The following HMGCLL1 variants were observed in gnomAD, a reference collection of about 807,000 sequenced individuals.
HMGCLL1 encodes the protein 3-hydroxymethyl-3-methylglutaryl-CoA lyase, cytoplasmic.
HMGCLL1 carries 36 observed loss-of-function variants against 39.1 expected under a neutral mutation model. That is an observed-to-expected ratio of 0.92 (90% CI 0.71 to 1.22). HMGCLL1 has a LOEUF of 1.22. Ranked by LOEUF, HMGCLL1 falls within the 50% of genes most tolerant of loss-of-function variation. The pLI is 0.00. For missense variants in HMGCLL1, 451 were observed against 416.5 expected, an observed-to-expected ratio of 1.08 and a Z score of -0.72; for synonymous variants, 149 against 144.0, an observed-to-expected ratio of 1.03 and a Z score of -0.25.
Position 55,578,971 on chromosome 6 carries a change from C to T in HMGCLL1, c.85G>A (p.Ala29Thr), listed in dbSNP as rs748057333. ...REHLWIGDSV[A>T]GALDPAQETS... ...ACCTGCGCGGGGTCGAGCGCCCCTG[C>T]CACTGAATCCCCGATCCAGAGATGC... The change falls in exon 1 of 9, where the codon GCA (alanine) becomes ACA (threonine). Residue 29 changes from alanine to threonine, a missense_variant. Transcript: ENST00000274901. 1.2e-6 allele frequency: 2 copies of T among 1,613,314 alleles called. No homozygotes were observed. Among genetic ancestry groups the T allele is most frequent in the Non-Finnish European group, 1.7e-6 (2 of 1,179,696 alleles).
the HMGCLL1 span, among the ~76,000 whole-genome samples, chr6:55,671,477 C>T: frequency 6.6e-6 from 1 of 151,688 alleles, no homozygotes; most frequent in East Asian, 1.9e-4. Flanking sequence ...TTACATGAAG[C>T]GAAACTAACA....
intron 7 of HMGCLL1, among the ~76,000 whole-genome samples, chr6:55,470,547 T>C (rs1333985046): frequency 6.6e-6 from 1 of 151,890 alleles, no homozygotes; most frequent in East Asian, 1.9e-4. Context: ...CTTTAACTTT[T>C]AGATTTCTGC....
intron 1 of HMGCLL1, among the ~76,000 whole-genome samples, chr6:55,570,293 A>G (rs1771410569): frequency 6.6e-6 from 1 of 152,172 alleles, no homozygotes; most frequent in Non-Finnish European, 1.5e-5. Flanking sequence ...CAGCCTCTTT[A>G]CTGAACAGTC....
the HMGCLL1 span, among the ~76,000 whole-genome samples, chr6:55,613,504 T>C: frequency 1.3e-5 from 2 of 152,314 alleles, no homozygotes; most frequent in East Asian, 1.9e-4. Flanking sequence ...CGTATGTTTA[T>C]TGCAGCACTA....
At chr6:55,644,992 T>C in the HMGCLL1 span, among the ~76,000 whole-genome samples, 1 of 151,974 alleles carries the variant, frequency 6.6e-6, no homozygotes, top group South Asian at 2.1e-4. Context: ...TTTGCTAGTA[T>C]GGACATTTTA....
chr6:55,573,930 A>G (rs186116292), intron 1 of HMGCLL1, among the ~76,000 whole-genome samples: 1 of 152,178 alleles, frequency 6.6e-6, no homozygotes, highest in East Asian at 1.9e-4. Flanking sequence ...TACAAAGATA[A>G]AAGAATGAAA....
the HMGCLL1 span, among the ~76,000 whole-genome samples, chr6:55,655,188 C>A: frequency 6.6e-6 from 1 of 151,960 alleles, no homozygotes; most frequent in Non-Finnish European, 1.5e-5. Context: ...TTTATCACAT[C>A]TCTGATCTTT....
rs529998005 is a variant in HMGCLL1 at position 55,542,596 on chromosome 6, A to G, written c.109-456T>C. Among the ~76,000 whole-genome samples, 7 of 151,506 alleles carry G rather than the reference A, an allele frequency of 4.6e-5. No individual in the cohort carries two copies. In the South Asian group the frequency reaches 1.5e-3, roughly 32 times the overall value. ...AGTTTGAGATCAGCCTGGCCAACAT[A>G]GTGTAACCCTGTCTCTACTAAAAAT... On this transcript the variant is annotated intron_variant, in intron 1 of 8. Coordinates refer to ENST00000274901, the MANE Select transcript of HMGCLL1 (RefSeq NM_001042406.2).
rs1763332822 is a variant in HMGCLL1 at position 55,435,492 on chromosome 6, T to A, written c.*170A>T. On this transcript the variant is annotated 3_prime_UTR_variant, in exon 9 of 9. Coordinates refer to ENST00000274901, the MANE Select transcript of HMGCLL1 (RefSeq NM_001042406.2). Reference sequence around the variant, plus strand: ...TTGCAATTTACCTGATGACTGATATTGCATTTTGTTGACTTAATCTATCCA... The same window carrying A: ...TTGCAATTTACCTGATGACTGATATAGCATTTTGTTGACTTAATCTATCCA... 5.1e-6 allele frequency: 2 copies of A among 395,884 alleles called. No homozygotes were observed. Among genetic ancestry groups the A allele is most frequent in the East Asian group, 7.3e-5 (2 of 27,526 alleles). The allele number at this position is 395,884 out of a possible 1,614,324, so 24.5% of individuals were successfully genotyped here.
At chr6:55,623,675 T>A in the HMGCLL1 span, among the ~76,000 whole-genome samples, 1 of 148,982 alleles carries the variant, frequency 6.7e-6, no homozygotes, top group Admixed American at 6.8e-5. Context: ...ACAAACATAT[T>A]ATATATAATA....
At chr6:55,526,781 T>C (rs1051802591) in intron 3 of HMGCLL1, among the ~76,000 whole-genome samples, 18 of 152,070 alleles carry the variant, frequency 1.2e-4, no homozygotes, top group Admixed American at 3.9e-4. Context: ...GACTCCTTTC[T>C]AAATTGCAAT....
chr6:55,664,548 A>G, the HMGCLL1 span, among the ~76,000 whole-genome samples: 1 of 151,722 alleles, frequency 6.6e-6, no homozygotes, highest in Non-Finnish European at 1.5e-5. Context: ...TCCTATTTGT[A>G]TTTTTAAACT....
chr6:55,584,917 C>A, the HMGCLL1 span, among the ~76,000 whole-genome samples: 1 of 151,552 alleles, frequency 6.6e-6, no homozygotes, highest in Admixed American at 6.6e-5. Context: ...AAAAAAGAAA[C>A]AATGAGAACA....
At chr6:55,627,352 T>C in the HMGCLL1 span, among the ~76,000 whole-genome samples, 1 of 152,068 alleles carries the variant, frequency 6.6e-6, no homozygotes, top group Non-Finnish European at 1.5e-5. Context: ...TATGTAATAG[T>C]ATTTGGTTTG....
intron 1 of HMGCLL1, among the ~76,000 whole-genome samples, chr6:55,571,038 T>C (rs535351006): frequency 3.9e-5 from 6 of 152,280 alleles, no homozygotes; most frequent in African/African-American, 1.4e-4. Flanking sequence ...GGAACACCCC[T>C]ATGATTCAAT....
chr6:55,437,009 T>G (rs2127377827), intron 8 of HMGCLL1, among the ~76,000 whole-genome samples: 1 of 152,138 alleles, frequency 6.6e-6, no homozygotes, highest in East Asian at 1.9e-4. Context: ...TGCCTTTCAC[T>G]TATAAATTAC....
chr6:55,675,029 G>A, the HMGCLL1 span, among the ~76,000 whole-genome samples: 2 of 152,194 alleles, frequency 1.3e-5, no homozygotes, highest in Non-Finnish European at 2.9e-5. Context: ...ATACATGCTG[G>A]AAGAAGGAAA....
chr6:55,654,777 T>A, the HMGCLL1 span, among the ~76,000 whole-genome samples: 1 of 152,036 alleles, frequency 6.6e-6, no homozygotes, highest in Non-Finnish European at 1.5e-5. Context: ...CTTGCACATA[T>A]CACATTATCA....
At chr6:55,609,792 C>A in the HMGCLL1 span, among the ~76,000 whole-genome samples, 421 of 152,176 alleles carry the variant, frequency 2.8e-3, 2 homozygotes, top group African/African-American at 8.9e-3. Flanking sequence ...CATGTCGGTG[C>A]CCCTTGAGGT....
Sources: gnomAD v4.1 joint callset for allele counts (sites outside exome capture counted in the v4.1 genomes callset) on GRCh38, gnomAD v4.1.1 for gene constraint, MANE v1.5 for transcripts, NCBI Gene and HGNC (gene_info 2026-07-23, HGNC 2026-07-21) for gene names.